The following ANK2 variants were observed in gnomAD, a reference collection of about 807,000 sequenced individuals.
ANK2 encodes the protein ankyrin-2.
Under a neutral mutation model 360.5 loss-of-function variants are expected in ANK2, and 83 were observed. The observed-to-expected ratio is 0.23, with a 90% CI of 0.19 to 0.28. The LOEUF is 0.28. ANK2 is among the 10% of genes least tolerant of loss of function. ANK2 has a pLI of 1.00. For synonymous variants in ANK2, 1,740 were observed against 1,759.5 expected (o/e 0.99, Z 0.28); for missense variants, 4,201 against 4,795.7 (o/e 0.88, Z 3.66).
intron 2 of ANK2, among the ~76,000 whole-genome samples, chr4:112,958,597 A>C (rs1416412515): frequency 6.6e-6 from 1 of 151,546 alleles, no homozygotes; most frequent in Non-Finnish European, 1.5e-5. Flanking sequence ...AGAGAGGGAG[A>C]GGGAGACCGT....
intron 2 of ANK2, among the ~76,000 whole-genome samples, chr4:113,007,914 A>G (rs142301029): frequency 1.1e-3 from 166 of 152,292 alleles, no homozygotes; most frequent in South Asian, 0.011. Context: ...TAAATTGCAT[A>G]GTTCTGTTCC....
At position 113,204,310 on chromosome 4, in the gene ANK2, A is replaced by AC. The variant is rs1321731464; in HGVS notation, c.384+5202dup. Among the ~76,000 whole-genome samples the AC allele has an allele frequency of 1.2e-4, 18 of 152,318 alleles. No homozygotes were observed. The East Asian group carries it at 3.3e-3, about 28-fold the overall frequency. On this transcript the variant is annotated intron_variant, in intron 4 of 45. Transcript: ENST00000357077. ...ATCCTAGACTAGACACCATCATCAA[A>AC]CATGAGAAGCTAAGCAAAATTTTGG...
rs79492765 is a variant in ANK2, at chr4:112,925,357, T to C, written c.21+20843T>C. Among the ~76,000 whole-genome samples the C allele has an allele frequency of 5.1e-3, 782 of 152,356 alleles. 3 individuals carry two copies. Among genetic ancestry groups the C allele is most frequent in the African/African-American group, 0.017 (721 of 41,586 alleles). ...TTTGTCTCTCAAGTACAGCAGCCAC[T>C]GTCTTAGAAGAATAACATCCATCTG... On this transcript the variant is annotated intron_variant, in intron 2 of 30. Transcript: ENST00000503271.
chr4:113,209,533 T>C (rs1468959908), intron 4 of ANK2, among the ~76,000 whole-genome samples: 1 of 151,956 alleles, frequency 6.6e-6, no homozygotes, highest in African/African-American at 2.4e-5. Context: ...TGTATAGCAA[T>C]ACCAGATATC....
chr4:113,200,199 C>T (rs957996985), intron 4 of ANK2, among the ~76,000 whole-genome samples: 23 of 152,030 alleles, frequency 1.5e-4, no homozygotes, highest in African/African-American at 5.3e-4. Flanking sequence ...GAGAATATGC[C>T]TTAGTCTAAA....
At chr4:113,119,793 G>T (rs921015756) in intron 1 of ANK2, among the ~76,000 whole-genome samples, 3 of 152,018 alleles carry the variant, frequency 2.0e-5, no homozygotes, top group African/African-American at 7.2e-5. Context: ...GATTTTGAAG[G>T]ATTTTTACCA....
At chr4:112,809,874 T>G in the ANK2 span, among the ~76,000 whole-genome samples, 1 of 150,062 alleles carries the variant, frequency 6.7e-6, no homozygotes, top group Admixed American at 6.7e-5. Context: ...AAATTAGAAT[T>G]GAGTACTTAG....
At chr4:113,249,929 C>T in intron 10 of ANK2, 67 bp downstream of exon 10, 1 of 1,414,038 alleles carries the variant, frequency 7.1e-7, no homozygotes, top group Non-Finnish European at 9.9e-7. Flanking sequence ...TATCTCTATT[C>T]TTTTTTAAAT....
intron 33 of ANK2, among the ~76,000 whole-genome samples, chr4:113,342,723 G>T (rs1204905675): frequency 6.6e-6 from 1 of 151,704 alleles, no homozygotes; most frequent in Non-Finnish European, 1.5e-5. Flanking sequence ...AATTACCCAA[G>T]CATAAGTTTA....
the ANK2 span, among the ~76,000 whole-genome samples, chr4:112,775,013 T>C: frequency 6.6e-6 from 1 of 152,192 alleles, no homozygotes; most frequent in South Asian, 2.1e-4. Context: ...CTCCACCAGT[T>C]TCCCCTCTTC....
intron 2 of ANK2, among the ~76,000 whole-genome samples, chr4:113,010,779 C>T (rs1227532155): frequency 6.6e-6 from 1 of 152,090 alleles, no homozygotes; most frequent in African/African-American, 2.4e-5. Flanking sequence ...AACCTGTCCT[C>T]TTTCCCACTA....
At chr4:112,820,662 T>C (rs1365484990) in intron 1 of ANK2, among the ~76,000 whole-genome samples, 1 of 152,186 alleles carries the variant, frequency 6.6e-6, no homozygotes, top group Non-Finnish European at 1.5e-5. Context: ...ACTCAATTCC[T>C]GGGCTCAAGT....
the ANK2 span, among the ~76,000 whole-genome samples, chr4:112,726,341 T>C: frequency 8.5e-5 from 13 of 152,150 alleles, no homozygotes; most frequent in Admixed American, 2.6e-4. Flanking sequence ...TTCTCTGTAA[T>C]TGTAGACATA....
chr4:113,362,191 T>G lies in ANK2; in HGVS notation c.10757-1147T>G, dbSNP rs560128096. On this transcript the variant is annotated intron_variant, in intron 39 of 45. Transcript: ENST00000357077. ...CCATAATTTTATTAATGGCTTTTGT[T>G]GATGGGCTTTAGGTGGTTTCCCAGT... 3.9e-5 allele frequency among the ~76,000 whole-genome samples: 6 copies of G among 152,330 alleles called. No homozygotes were observed. The South Asian group carries it at 1.2e-3, about 32-fold the overall frequency.
intron 1 of ANK2, among the ~76,000 whole-genome samples, chr4:113,140,935 G>A (rs775606404): frequency 2.6e-5 from 4 of 151,528 alleles, no homozygotes; most frequent in Admixed American, 6.6e-5. Context: ...CCAAGGTTGC[G>A]CCATTGCACT....
chr4:113,003,681 T>A (rs1041321026), intron 2 of ANK2, among the ~76,000 whole-genome samples: 1 of 152,180 alleles, frequency 6.6e-6, no homozygotes, highest in Non-Finnish European at 1.5e-5. Context: ...AAAGTGATCT[T>A]GTGTTACACC....
At chr4:113,094,509 G>A (rs1466445685) in intron 1 of ANK2, among the ~76,000 whole-genome samples, 1 of 146,642 alleles carries the variant, frequency 6.8e-6, no homozygotes, top group Non-Finnish European at 1.6e-5. Flanking sequence ...GGAAAAGAGG[G>A]TGCAGCACGT....
chr4:112,724,865 T>A, the ANK2 span, among the ~76,000 whole-genome samples: 8 of 152,126 alleles, frequency 5.3e-5, no homozygotes, highest in African/African-American at 1.9e-4. Flanking sequence ...CAAGGAGATA[T>A]TTGTCCACTC....
At chr4:112,742,254 G>A in the ANK2 span, among the ~76,000 whole-genome samples, 293 of 152,274 alleles carry the variant, frequency 1.9e-3, 1 homozygote, top group African/African-American at 6.5e-3. Context: ...GCGACAGAGC[G>A]AGACTCTGTC....
Sources: allele counts gnomAD v4.1 joint callset (sites outside exome capture counted in the v4.1 genomes callset), GRCh38; gene constraint gnomAD v4.1.1; transcripts MANE v1.5; gene names NCBI Gene and HGNC (gene_info 2026-07-23, HGNC 2026-07-21).